The following FGF1 variants were observed in gnomAD, a reference collection of about 807,000 sequenced individuals.
FGF1 encodes the protein fibroblast growth factor 1, also known as beta-endothelial cell growth factor.
A neutral mutation model predicts 13.4 loss-of-function variants in FGF1; 9 were observed. That is an observed-to-expected ratio of 0.67 (90% CI 0.40 to 1.17). The LOEUF is 1.17. FGF1 is among the 50% of genes most tolerant of loss of function. The probability of loss-of-function intolerance (pLI) is 0.01; values close to 1 mark genes in which losing one functional copy is unlikely to be tolerated. For missense variants in FGF1, 156 were observed against 192.7 expected (o/e 0.81, Z 1.13); for synonymous variants, 93 against 79.0 (o/e 1.18, Z -0.94).
intron 1 of FGF1, among the ~76,000 whole-genome samples, chr5:142,625,710 T>A (rs1762348864): frequency 6.6e-6 from 1 of 152,238 alleles, no homozygotes; most frequent in Admixed American, 6.5e-5. Context: ...GCAAAGTGAT[T>A]CTGCAGGGGC....
At position 142,595,458 on chromosome 5, in the gene FGF1, G is replaced by A. The variant is rs373883111; in HGVS notation, c.300C>T (p.Phe100=). 28 of 1,613,566 alleles carry A rather than the reference G, an allele frequency of 1.7e-5. No homozygotes were observed. The highest frequency in any genetic ancestry group is 1.6e-4 in the Middle Eastern group (1 of 6,070). ...AATGGTTCTCCTCCAGCCTTTCCAG[G>A]AACAAACATTCCTCATTTGGTGTCT... ...GSQTPNEECL[F]LERLEENHYN... is the part of the protein sequence containing the mutation. The change falls in exon 4 of 4, where the codon TTC becomes TTT. Residue 100 remains phenylalanine (F), a synonymous_variant. Transcript: ENST00000337706.
At chr5:142,620,763 C>A (rs979968452) in intron 1 of FGF1, among the ~76,000 whole-genome samples, 2 of 152,086 alleles carry the variant, frequency 1.3e-5, no homozygotes, top group East Asian at 1.9e-4. Context: ...TATAAAAGAA[C>A]CTTGTACCCA....
chr5:142,660,513 C>T (rs927045714), intron 1 of FGF1, among the ~76,000 whole-genome samples: 6 of 152,204 alleles, frequency 3.9e-5, no homozygotes, highest in Non-Finnish European at 7.3e-5. Flanking sequence ...GCAGGGTCAC[C>T]CCACAATGGC....
intron 1 of FGF1, among the ~76,000 whole-genome samples, chr5:142,622,007 C>T (rs993775467): frequency 6.6e-6 from 1 of 152,236 alleles, no homozygotes; most frequent in Non-Finnish European, 1.5e-5. Flanking sequence ...CTTCATGGCT[C>T]TTACTACCAG....
At chr5:142,640,721 C>T (rs1765063839) in intron 1 of FGF1, among the ~76,000 whole-genome samples, 1 of 152,040 alleles carries the variant, frequency 6.6e-6, no homozygotes, top group South Asian at 2.1e-4. Context: ...CTGCCTCCAT[C>T]TGAACCTGTC....
intron 2 of FGF1, among the ~76,000 whole-genome samples, chr5:142,606,212 C>CTGTGTGTGTGTGTGTGTGTG (rs1430289422): frequency 1.7e-5 from 1 of 60,054 alleles, no homozygotes; most frequent in African/African-American, 9.1e-5. Context: ...AACATTCTTT[C>CTGTGTGTGTGTGTGTGTGTG]TCTCTCTGTG....
intron 1 of FGF1, among the ~76,000 whole-genome samples, chr5:142,685,297 T>C (rs1273926481): frequency 1.3e-5 from 2 of 152,172 alleles, no homozygotes; most frequent in African/African-American, 4.8e-5. Context: ...CGAGTGACCA[T>C]GGGGCCATGG....
intron 1 of FGF1, among the ~76,000 whole-genome samples, chr5:142,628,465 G>A (rs1025004222): frequency 5.3e-5 from 8 of 152,182 alleles, no homozygotes; most frequent in South Asian, 2.1e-4. Context: ...AGCCGAGATC[G>A]CACCATTGTA....
In FGF1 at chr5:142,657,105, TG is replaced by T. The variant is rs757416431; in HGVS notation, c.-35+28851del. Among the ~76,000 whole-genome samples the T allele has an allele frequency of 1.3e-3, 205 of 152,022 alleles. 3 individuals carry two copies. The highest frequency in any genetic ancestry group is 3.8e-4 in the Non-Finnish European group (26 of 67,996). On this transcript the variant is annotated intron_variant, in intron 1 of 3. Coordinates refer to ENST00000337706, the MANE Select transcript of FGF1 (RefSeq NM_000800.5). ...GCTAATTTTGTATTTTTAGTAGAGA[TG>T]GGGTTTCACCATATTGGCCAGGCTG... is the stretch of plus-strand genomic sequence containing the variant.
At chr5:142,647,761 T>A (rs1259906837) in intron 1 of FGF1, among the ~76,000 whole-genome samples, 1 of 152,192 alleles carries the variant, frequency 6.6e-6, no homozygotes, top group East Asian at 1.9e-4. Flanking sequence ...ATTCCACATG[T>A]GGCATCATGT....
intron 1 of FGF1, among the ~76,000 whole-genome samples, chr5:142,621,087 A>G (rs1761490819): frequency 6.6e-6 from 1 of 151,896 alleles, no homozygotes; most frequent in Non-Finnish European, 1.5e-5. Flanking sequence ...CTTTCAATCC[A>G]CTGTCAATTC....
At chr5:142,688,480 G>A (rs1312773593), upstream of FGF1, among the ~76,000 whole-genome samples, 1 of 152,170 alleles carries the variant, frequency 6.6e-6, no homozygotes, top group Non-Finnish European at 1.5e-5. Context: ...CTCCAGCTCT[G>A]TGCCTGGAAA....
At chr5:142,660,904 G>A (rs979996679) in intron 1 of FGF1, among the ~76,000 whole-genome samples, 1 of 152,116 alleles carries the variant, frequency 6.6e-6, no homozygotes, top group African/African-American at 2.4e-5. Flanking sequence ...TTTATTCTGT[G>A]TTCCTCCTTC....
intron 1 of FGF1, among the ~76,000 whole-genome samples, chr5:142,632,030 C>G (rs1168590460): frequency 6.6e-6 from 1 of 152,152 alleles, no homozygotes; most frequent in African/African-American, 2.4e-5. Flanking sequence ...ATCCACCCGC[C>G]TTGGCCTCCC....
intron 1 of FGF1, among the ~76,000 whole-genome samples, chr5:142,676,563 A>G (rs1190429738): frequency 6.6e-6 from 1 of 152,244 alleles, no homozygotes; most frequent in Non-Finnish European, 1.5e-5. Flanking sequence ...ACACCCAGAC[A>G]GTCCCATTCC....
At chr5:142,678,538 C>T (rs746257660) in intron 1 of FGF1, among the ~76,000 whole-genome samples, 27 of 152,166 alleles carry the variant, frequency 1.8e-4, no homozygotes, top group African/African-American at 3.9e-4. Context: ...GGGTACTCTG[C>T]ACTCCTCCTT....
chr5:142,619,182 C>T (rs1597154887), intron 1 of FGF1, among the ~76,000 whole-genome samples: 1 of 152,122 alleles, frequency 6.6e-6, no homozygotes, highest in Admixed American at 6.5e-5. Flanking sequence ...GATCCACCCG[C>T]CTCAGCCTCC....
chr5:142,595,881 C>T (rs752774986), intron 3 of FGF1, among the ~76,000 whole-genome samples: 1 of 152,184 alleles, frequency 6.6e-6, no homozygotes, highest in Non-Finnish European at 1.5e-5. Flanking sequence ...GCCTGGCACA[C>T]AGGCCTGACC....
intron 1 of FGF1, among the ~76,000 whole-genome samples, chr5:142,654,541 C>T (rs144602774): frequency 5.6e-4 from 85 of 152,334 alleles, no homozygotes; most frequent in African/African-American, 1.9e-3. Flanking sequence ...TCTGCCCCTT[C>T]GAGGTTCATC....
Sources: allele counts gnomAD v4.1 joint callset (sites outside exome capture counted in the v4.1 genomes callset), GRCh38; gene constraint gnomAD v4.1.1; transcripts MANE v1.5; gene names NCBI Gene and HGNC (gene_info 2026-07-23, HGNC 2026-07-21).